SPTLC2: variants seen among roughly 807,000 people sequenced by gnomAD.
SPTLC2 encodes the protein serine palmitoyltransferase long chain base subunit 2, also known as serine palmitoyltransferase 2.
SPTLC2 carries 21 observed loss-of-function variants against 62.0 expected under a neutral mutation model. The ratio of observed to expected loss-of-function variants is 0.34; its 90% CI spans 0.24 to 0.49. The LOEUF (loss-of-function observed/expected upper bound fraction) is 0.49. Ranked by LOEUF, SPTLC2 falls within the 20% of genes least tolerant of loss-of-function variation. SPTLC2 has a pLI of 0.99. For synonymous variants in SPTLC2, 261 were observed against 261.8 expected, an observed-to-expected ratio of 1.00 and a Z score of 0.03; for missense variants, 511 against 713.0, an observed-to-expected ratio of 0.72 and a Z score of 3.23.
intron 9 of SPTLC2, among the ~76,000 whole-genome samples, chr14:77,534,316 T>C (rs1385736770): frequency 6.6e-6 from 1 of 151,974 alleles, no homozygotes; most frequent in Non-Finnish European, 1.5e-5. Flanking sequence ...TCAAATTCAA[T>C]ATTACCAATT....
chr14:77,510,195 C>T lies in SPTLC2; in HGVS notation c.*2089G>A. 2.8e-6 allele frequency: 1 copy of T among 363,602 alleles called. No homozygotes were observed. The highest frequency in any genetic ancestry group is 2.1e-5 in the African/African-American group (1 of 48,046). 22.5% of individuals were successfully genotyped at this position (363,602 alleles called of 1,614,324 possible). A position where few individuals can be genotyped will look rare whatever the true frequency, so the allele number is the denominator to read the frequency against. ...GCTAAATATAGTCTCTGCATCTCTC[C>T]TTGGTTCTTTCATTCATCTTTTTCT... On this transcript the variant is annotated 3_prime_UTR_variant, in exon 12 of 12. Transcript: ENST00000216484.
At chr14:77,593,126 T>A (rs181838463) in intron 2 of SPTLC2, among the ~76,000 whole-genome samples, 212 of 151,814 alleles carry the variant, frequency 1.4e-3, no homozygotes, top group African/African-American at 4.9e-3. Flanking sequence ...ATTAAAAAAA[T>A]TAAAAAATAA....
intron 5 of SPTLC2, 76 bp downstream of exon 5, chr14:77,570,308 T>C: frequency 1.9e-6 from 3 of 1,575,594 alleles, no homozygotes; most frequent in Non-Finnish European, 2.6e-6. Context: ...TAACAGCTTT[T>C]AGCTCACTCT....
At chr14:77,516,013 C>CAT (rs2079357428) in intron 11 of SPTLC2, among the ~76,000 whole-genome samples, 4 of 22,910 alleles carry the variant, frequency 1.7e-4, no homozygotes, top group African/African-American at 2.4e-4. Flanking sequence ...TGTGCGCGCG[C>CAT]GCGCATGTGT....
At chr14:77,586,387 T>A (rs76716413) in intron 2 of SPTLC2, among the ~76,000 whole-genome samples, 171 of 152,284 alleles carry the variant, frequency 1.1e-3, no homozygotes, top group Middle Eastern at 3.4e-3. Context: ...AAAAATAATT[T>A]TTTTAAAGGT....
intron 10 of SPTLC2, among the ~76,000 whole-genome samples, chr14:77,520,694 A>G (rs1029598576): frequency 1.3e-5 from 2 of 152,244 alleles, no homozygotes; most frequent in South Asian, 4.1e-4. Flanking sequence ...TGGACTTCTC[A>G]AATACATTGA....
chr14:77,566,622 C>T (rs1396902267), intron 5 of SPTLC2, among the ~76,000 whole-genome samples: 2 of 152,098 alleles, frequency 1.3e-5, no homozygotes, highest in African/African-American at 4.8e-5. Flanking sequence ...CCTGCCACTA[C>T]GCCTAATTTT....
At chr14:77,553,263 C>A (rs741850) in intron 8 of SPTLC2, among the ~76,000 whole-genome samples, 58,584 of 151,916 alleles carry the variant, frequency 0.39, 13,299 homozygotes, top group East Asian at 0.87. Context: ...AGTTTTATCT[C>A]AAAAATATTA....
chr14:77,556,934 GTC>G (rs1471957237), intron 7 of SPTLC2, 105 bp downstream of exon 7: 9 of 865,288 alleles, frequency 1.0e-5, no homozygotes, highest in Admixed American at 7.9e-5. Context: ...TATAAACACT[GTC>G]TCCTTAGTTT....
intron 3 of SPTLC2, among the ~76,000 whole-genome samples, chr14:77,578,058 T>C (rs2079726725): frequency 6.6e-6 from 1 of 152,084 alleles, no homozygotes; most frequent in Non-Finnish European, 1.5e-5. Flanking sequence ...GGTGGGAGAA[T>C]CACTTGAACT....
At chr14:77,526,570 G>T (rs904638804) in intron 9 of SPTLC2, among the ~76,000 whole-genome samples, 1 of 152,068 alleles carries the variant, frequency 6.6e-6, no homozygotes, top group Non-Finnish European at 1.5e-5. Flanking sequence ...CTTCAATATG[G>T]TTTGTTAGAA....
intron 9 of SPTLC2, among the ~76,000 whole-genome samples, chr14:77,528,061 C>G (rs572963729): frequency 3.9e-5 from 6 of 152,326 alleles, no homozygotes; most frequent in Non-Finnish European, 7.4e-5. Flanking sequence ...TCATATTATA[C>G]TTCATTACAC....
At chr14:77,576,428 C>T (rs536295068) in intron 4 of SPTLC2, among the ~76,000 whole-genome samples, 9 of 152,226 alleles carry the variant, frequency 5.9e-5, no homozygotes, top group Non-Finnish European at 1.2e-4. Context: ...CAGATTAACT[C>T]TCATATGCCC....
At chr14:77,598,122 CA>C (rs11410783) in intron 1 of SPTLC2, among the ~76,000 whole-genome samples, 72 of 116,940 alleles carry the variant, frequency 6.2e-4, no homozygotes, top group Middle Eastern at 4.5e-3. Context: ...AACCCCATCT[CA>C]AAAAAAAAAA....
rs1382946903 is a variant in SPTLC2, at chr14:77,509,347, C to T, written c.*2937G>A. The stretch of plus-strand genomic sequence containing the variant: ...GAGAAACCGCCACTGCTGCTTGGTC[C>T]ACTCCTCATATGGGCTTTTGACATC... On this transcript the variant is annotated 3_prime_UTR_variant, in exon 12 of 12. Transcript: ENST00000216484. 1.3e-5 allele frequency: 2 copies of T among 151,026 alleles called. No homozygotes were observed. Among genetic ancestry groups the T allele is most frequent in the African/African-American group, 4.9e-5 (2 of 41,236 alleles). 9.4% of individuals were successfully genotyped at this position (151,026 alleles called of 1,614,324 possible). A position where few individuals can be genotyped will look rare whatever the true frequency, so the allele number is the denominator to read the frequency against.
chr14:77,516,500 A>G (rs1451769224), intron 11 of SPTLC2, among the ~76,000 whole-genome samples: 1 of 152,234 alleles, frequency 6.6e-6, no homozygotes, highest in Non-Finnish European at 1.5e-5. Context: ...AAAATTCTTA[A>G]AACATCAATA....
chr14:77,591,168 A>T (rs2079814117), intron 2 of SPTLC2, among the ~76,000 whole-genome samples: 1 of 152,258 alleles, frequency 6.6e-6, no homozygotes, highest in African/African-American at 2.4e-5. Context: ...ACATGCTACA[A>T]CATGAACTTC....
intron 1 of SPTLC2, among the ~76,000 whole-genome samples, chr14:77,602,731 A>G (rs1248874798): frequency 2.0e-5 from 3 of 152,038 alleles, no homozygotes; most frequent in African/African-American, 7.2e-5. Context: ...TAAGATTAAT[A>G]CAATAAATAT....
At chr14:77,543,477 TTTAAG>T (rs1293507423) in intron 9 of SPTLC2, among the ~76,000 whole-genome samples, 8 of 152,276 alleles carry the variant, frequency 5.3e-5, no homozygotes, top group Admixed American at 2.6e-4. Flanking sequence ...TTGGCTTGGA[TTTAAG>T]TTAACAGTTT....
Sources: allele counts gnomAD v4.1 joint callset (sites outside exome capture counted in the v4.1 genomes callset), GRCh38; gene constraint gnomAD v4.1.1; transcripts MANE v1.5; gene names NCBI Gene and HGNC (gene_info 2026-07-23, HGNC 2026-07-21).